SIX4: variants seen among roughly 807,000 people sequenced by gnomAD.
The protein encoded by SIX4 is homeobox protein SIX4.
A neutral mutation model predicts 51.5 loss-of-function variants in SIX4; 23 were observed. The observed-to-expected ratio is 0.45, with a 90% CI of 0.32 to 0.63. The LOEUF (loss-of-function observed/expected upper bound fraction) is 0.63. SIX4 is among the 30% of genes least tolerant of loss of function. The pLI is 0.04. For synonymous variants in SIX4, 413 were observed against 417.3 expected (o/e 0.99, Z 0.13); for missense variants, 867 against 984.0 (o/e 0.88, Z 1.59).
rs1895978388 is a variant in SIX4 at position 60,719,402 on chromosome 14, T to C, written c.1549+358A>G. Among the ~76,000 whole-genome samples, 1 of 152,236 alleles carries C rather than the reference T, an allele frequency of 6.6e-6. No individual in the cohort carries two copies. The highest frequency in any genetic ancestry group is 6.5e-5 in the Admixed American group (1 of 15,286). ...AACTGCTAGACTAATTTTGTGTTCT[T>C]AGCAATTTTATTAATTTTTAATATT... On this transcript the variant is annotated intron_variant, in intron 2 of 2. Transcript: ENST00000216513. The surrounding 1 kb of genome is among the most constrained non-coding windows in gnomAD (Gnocchi z 4.9).
In SIX4 at chr14:60,710,037, T is replaced by C. The variant is rs1019845037; in HGVS notation, c.*3370A>G. ...TAAAATATCTTTTGTGAAATGTAAC[T>C]ATTTCCCCATAGTTTTCCTGAATTA... On this transcript the variant is annotated 3_prime_UTR_variant, in exon 3 of 3. Transcript: ENST00000216513. The C allele has an allele frequency of 1.3e-5, 2 of 152,694 alleles. No individual in the cohort carries two copies. The highest frequency in any genetic ancestry group is 2.9e-5 in the Non-Finnish European group (2 of 68,044). 9.5% of individuals were successfully genotyped at this position (152,694 alleles called of 1,614,324 possible).
rs922423168 is a variant in SIX4, at chr14:60,712,502, A to G, written c.*905T>C. On this transcript the variant is annotated 3_prime_UTR_variant, in exon 3 of 3. Transcript: ENST00000216513. ...GAACAAGGATGTGAAAAAAAGTACC[A>G]AAATTCCAATATTGGGAGTTAGATT... 4 of 152,604 alleles carry G rather than the reference A, an allele frequency of 2.6e-5. No homozygotes were observed. Among genetic ancestry groups the G allele is most frequent in the Non-Finnish European group, 5.9e-5 (4 of 68,006 alleles). 9.5% of individuals were successfully genotyped at this position (152,604 alleles called of 1,614,324 possible). A position where few individuals can be genotyped will look rare whatever the true frequency, so the allele number is the denominator to read the frequency against.
rs948378659 is a variant in SIX4, at chr14:60,713,756, T to G, written c.1997A>C (p.Asn666Thr). ...GTCTTGACCAGTAATAAGGGAGCAG[T>G]TCTGAAGAGTTGCATAGTTAGTGTT... ...VSNTNYATLQ[N>T]CSLITGQDLL... Residue 666 changes from asparagine to threonine, a missense_variant, in exon 3 of 3, where the codon AAC becomes ACC. Physicochemically the swap from Asn to Thr is moderately conservative, Grantham distance 65. Transcript: ENST00000216513. 8.7e-6 allele frequency: 14 copies of G among 1,614,206 alleles called. No homozygotes were observed. The highest frequency in any genetic ancestry group is 1.2e-5 in the Non-Finnish European group (14 of 1,180,034).
At chr14:60,716,307 C>T (rs144081815) in intron 2 of SIX4, among the ~76,000 whole-genome samples, 34 of 152,028 alleles carry the variant, frequency 2.2e-4, no homozygotes, top group Non-Finnish European at 3.8e-4. Context: ...GGCTGGAGTG[C>T]GGTGGTGCAA....
chr14:60,721,646 G>C (rs1418116861), intron 1 of SIX4, among the ~76,000 whole-genome samples: 2 of 140,658 alleles, frequency 1.4e-5, no homozygotes, highest in South Asian at 5.3e-4. Flanking sequence ...TGGGGCGGGG[G>C]GGACGAAGAA....
In SIX4 at chr14:60,722,989, G is replaced by A. The variant is rs940055559; in HGVS notation, c.863+223C>T. The A allele has an allele frequency of 1.1e-6, 1 of 905,710 alleles. No individual in the cohort carries two copies. Among genetic ancestry groups the A allele is most frequent in the African/African-American group, 1.7e-5 (1 of 58,160 alleles). 56.1% of individuals were successfully genotyped at this position (905,710 alleles called of 1,614,324 possible). A position where few individuals can be genotyped will look rare whatever the true frequency, so the allele number is the denominator to read the frequency against. On this transcript the variant is annotated intron_variant, in intron 1 of 2. Transcript: ENST00000216513. The surrounding 1 kb of genome is among the most constrained non-coding windows in gnomAD (Gnocchi z 5.9). ...CCTAGGCGGGCGACCAGAAACTTCT[G>A]GGGGGAGAGGGGGAGGGTAAGGAGG...
Position 60,713,913 on chromosome 14 carries a change from C to T in SIX4, c.1840G>A (p.Val614Ile). 6.2e-7 allele frequency: 1 copy of T among 1,614,166 alleles called. No individual in the cohort carries two copies. Among genetic ancestry groups the T allele is most frequent in the Non-Finnish European group, 8.5e-7 (1 of 1,180,018 alleles). Reference sequence around the variant, plus strand: ...AGAGAAAAATTGTGAGTTGGAGATACATTAACTAATGAGGAGGCCAGTGGA... The same window carrying T: ...AGAGAAAAATTGTGAGTTGGAGATATATTAACTAATGAGGAGGCCAGTGGA... ...LHPLASSLVN[V>I]SPTHNFSLSP... Residue 614 changes from valine (V) to isoleucine (I), a missense_variant, in exon 3 of 3, where the codon GTA (valine) becomes ATA (isoleucine). By Grantham distance (29) the Val-to-Ile change is conservative (BLOSUM62 3). Coordinates refer to ENST00000216513, the MANE Select transcript of SIX4 (RefSeq NM_017420.5).
At chr14:60,721,799 C>A (rs1896025156) in intron 1 of SIX4, among the ~76,000 whole-genome samples, 1 of 152,254 alleles carries the variant, frequency 6.6e-6, no homozygotes, top group Non-Finnish European at 1.5e-5. Context: ...AGCGCGGGAT[C>A]CGCGGCCTCT....
rs753850224 is a variant in SIX4 at position 60,724,241 on chromosome 14, C to T, written c.-167G>A. The T allele has an allele frequency of 6.5e-7, 1 of 1,539,568 alleles. No individual in the cohort carries two copies. ...GTATCTGGCCGATCAGGTTTCCCCC[C>T]GGCCACGCAGTCACCATTAAGATAG... On this transcript the variant is annotated 5_prime_UTR_variant, in exon 1 of 3. Transcript: ENST00000216513.
In SIX4 at chr14:60,710,721, T is replaced by A; in HGVS notation, c.*2686A>T. 1 of 152,608 alleles carries A rather than the reference T, an allele frequency of 6.6e-6. No homozygotes were observed. The highest frequency in any genetic ancestry group is 2.4e-5 in the African/African-American group (1 of 41,438). The allele number at this position is 152,608 out of a possible 1,614,324, so 9.5% of individuals were successfully genotyped here. The stretch of plus-strand genomic sequence containing the variant: ...AAGGAGATCATGGGGTTTATCTTAC[T>A]CCATTCACATATACATGGGCTGCAT... On this transcript the variant is annotated 3_prime_UTR_variant, in exon 3 of 3. Coordinates refer to ENST00000216513, the MANE Select transcript of SIX4 (RefSeq NM_017420.5).
intron 2 of SIX4, among the ~76,000 whole-genome samples, chr14:60,716,975 T>C (rs1303728722): frequency 6.6e-6 from 1 of 152,248 alleles, no homozygotes; most frequent in Non-Finnish European, 1.5e-5. Context: ...AGTTATTCTC[T>C]TACATTTCTG....
Position 60,722,809 on chromosome 14 carries a change from G to T in SIX4, c.863+403C>A, listed in dbSNP as rs974328783. On this transcript the variant is annotated intron_variant, in intron 1 of 2. Transcript: ENST00000216513. The surrounding 1 kb of genome is among the most constrained non-coding windows in gnomAD (Gnocchi z 5.9). ...CCGGCCGGCGCCGGCAGTCTCTGCG[G>T]GCCTCGGGCGGCAGGGAGAGCTACG... Among the ~76,000 whole-genome samples the T allele has an allele frequency of 6.6e-6, 1 of 152,016 alleles. No individual in the cohort carries two copies. Among genetic ancestry groups the T allele is most frequent in the Non-Finnish European group, 1.5e-5 (1 of 67,964 alleles).
At position 60,719,827 on chromosome 14, in the gene SIX4, C is replaced by G. The variant is rs779112035; in HGVS notation, c.1482G>C (p.Gln494His). Residue 494 changes from glutamine to histidine, a missense_variant, in exon 2 of 3, where the codon CAG becomes CAC. By Grantham distance (24) the Gln-to-His change is conservative. Coordinates refer to ENST00000216513, the MANE Select transcript of SIX4 (RefSeq NM_017420.5). The surrounding 1 kb of genome is among the most constrained non-coding windows in gnomAD (Gnocchi z 4.9). ...VQIPNSGANS[Q>H]FLNGSIGFSP... ...AGAATCCAATGCTCCCATTAAGGAACTGGCTGTTTGCTCCGGAATTGGGGA... is the reference window on the plus strand; with the variant it reads ...AGAATCCAATGCTCCCATTAAGGAAGTGGCTGTTTGCTCCGGAATTGGGGA... 2.5e-6 allele frequency: 4 copies of G among 1,614,226 alleles called. No individual in the cohort carries two copies. Among genetic ancestry groups the G allele is most frequent in the South Asian group, 1.1e-5 (1 of 91,084 alleles).
rs1896040481 is a variant in SIX4 at position 60,722,477 on chromosome 14, G to A, written c.863+735C>T. On this transcript the variant is annotated intron_variant, in intron 1 of 2. Transcript: ENST00000216513. The surrounding 1 kb of genome is among the most constrained non-coding windows in gnomAD (Gnocchi z 5.9). ...GCCCTTCAGCCCTGCTACCCCGGCT[G>A]CGCTGAAACCCGATCCTAAGGAGTT... Among the ~76,000 whole-genome samples the A allele has an allele frequency of 6.6e-6, 1 of 152,150 alleles. No individual in the cohort carries two copies. The highest frequency in any genetic ancestry group is 1.9e-4 in the East Asian group (1 of 5,164).
In SIX4 at chr14:60,720,812, T is replaced by C. The variant is rs1375891912; in HGVS notation, c.864-367A>G. ...ACTGACACCATAGAAAAAAACACCT[T>C]AAATGAGGTGGTCGGTCTTTCCTGT... On this transcript the variant is annotated intron_variant, in intron 1 of 2. Transcript: ENST00000216513. The surrounding 1 kb of genome is among the most constrained non-coding windows in gnomAD (Gnocchi z 5.5). 1.3e-5 allele frequency among the ~76,000 whole-genome samples: 2 copies of C among 152,198 alleles called. No individual in the cohort carries two copies. Among genetic ancestry groups the C allele is most frequent in the East Asian group, 3.8e-4 (2 of 5,202 alleles).
At chr14:60,718,325 C>G (rs1342403368) in intron 2 of SIX4, among the ~76,000 whole-genome samples, 1 of 152,140 alleles carries the variant, frequency 6.6e-6, no homozygotes, top group East Asian at 1.9e-4. Flanking sequence ...CTTATTTTAA[C>G]TGAAAATGCT....
At chr14:60,714,972 TAAAAAA>T (rs11449594) in intron 2 of SIX4, among the ~76,000 whole-genome samples, 2 of 129,326 alleles carry the variant, frequency 1.5e-5, no homozygotes, top group East Asian at 2.2e-4. Flanking sequence ...GCCCTTTCTT[TAAAAAA>T]AAAAAAAAAA....
Position 60,722,676 on chromosome 14 carries a change from G to A in SIX4, c.863+536C>T, listed in dbSNP as rs373694402. The stretch of plus-strand genomic sequence containing the variant: ...CCACAACACTCTCTTCCCTTCACCA[G>A]AGCAGCCACCGCGACCTCCAGCGCA... On this transcript the variant is annotated intron_variant, in intron 1 of 2. Coordinates refer to ENST00000216513, the MANE Select transcript of SIX4 (RefSeq NM_017420.5). This position sits in a 1 kb window ranked among gnomAD's most constrained non-coding sequence, Gnocchi z 5.9. 7.1e-3 allele frequency among the ~76,000 whole-genome samples: 1,084 copies of A among 152,150 alleles called. 13 individuals are homozygous for A. Among genetic ancestry groups the A allele is most frequent in the South Asian group, 0.013 (61 of 4,804 alleles).
chr14:60,714,965 C>T (rs1200812828), intron 2 of SIX4, among the ~76,000 whole-genome samples: 2 of 109,610 alleles, frequency 1.8e-5, no homozygotes, highest in Non-Finnish European at 3.7e-5. Context: ...CACCCGGGCC[C>T]TTTCTTTAAA....
Sources: allele counts gnomAD v4.1 joint callset (sites outside exome capture counted in the v4.1 genomes callset), GRCh38; gene constraint gnomAD v4.1.1; non-coding constraint Gnocchi (gnomAD v3.1); transcripts MANE v1.5; gene names NCBI Gene and HGNC (gene_info 2026-07-23, HGNC 2026-07-21).